SYCE1: variants seen among roughly 807,000 people sequenced by gnomAD.
SYCE1 encodes synaptonemal complex central element protein 1.
A neutral mutation model predicts 55.1 loss-of-function variants in SYCE1; 37 were observed. The ratio of observed to expected loss-of-function variants is 0.67; its 90% CI spans 0.52 to 0.88. SYCE1 has a LOEUF of 0.88. Ranked by LOEUF, SYCE1 falls within the 40% of genes least tolerant of loss-of-function variation. The pLI is 0.00. For missense variants in SYCE1, 399 were observed against 416.4 expected, an observed-to-expected ratio of 0.96 and a Z score of 0.36; for synonymous variants, 163 against 159.4, an observed-to-expected ratio of 1.02 and a Z score of -0.17.
chr10:133,558,490 A>G, intron 4 of SYCE1: 1 of 556,824 alleles, frequency 1.8e-6, no homozygotes, highest in Non-Finnish European at 3.2e-6. Flanking sequence ...GAAGTGGGAT[A>G]AGGGCTATAA....
intron 2 of SYCE1, chr10:133,559,648 T>C: frequency 4.4e-6 from 2 of 452,452 alleles, no homozygotes; most frequent in Non-Finnish European, 8.1e-6. Flanking sequence ...GGAAGGGACC[T>C]GAGGGCCCCA....
At chr10:133,556,422 C>G (rs778183908) in intron 8 of SYCE1, 4 of 522,046 alleles carry the variant, frequency 7.7e-6, no homozygotes, top group Non-Finnish European at 1.4e-5. Flanking sequence ...CTTCCTGACA[C>G]TCACTGTCTA....
rs1468639848 is a variant in SYCE1 at position 133,565,441 on chromosome 10, T to C, written c.73+16A>G. The C allele has an allele frequency of 6.5e-7, 1 of 1,545,120 alleles. No homozygotes were observed. The highest frequency in any genetic ancestry group is 8.7e-7 in the Non-Finnish European group (1 of 1,144,490). On this transcript the variant is annotated intron_variant, in intron 1 of 12. Transcript: ENST00000343131. ...GGTCAGACCCTCACGCACAGTTCCC[T>C]GCCTCCCACCACTACCTCCGGCCTT...
chr10:133,558,377 G>A (rs1023222968), intron 4 of SYCE1, 163 bp from the exon 5 acceptor site: 3 of 744,606 alleles, frequency 4.0e-6, no homozygotes, highest in Non-Finnish European at 6.9e-6. Flanking sequence ...CACATTCCTT[G>A]TAAGCACCAA....
In SYCE1 at chr10:133,555,737, C is replaced by CCGGCCA. The variant is rs1470396664; in HGVS notation, c.720-36_720-31dup. 7 of 1,608,446 alleles carry CCGGCCA rather than the reference C, an allele frequency of 4.4e-6. No homozygotes were observed. The Admixed American group carries it at 1.0e-4, about 23-fold the overall frequency. On this transcript the variant is annotated intron_variant, in intron 10 of 12. Transcript: ENST00000343131. ...GGGGCCCAGTAGGGGGTGGTCAGCA[C>CCGGCCA]CGGCCACTCCCTCCTCCCACCCTCT...
intron 1 of SYCE1, chr10:133,564,526 C>A (rs1851882343): frequency 1.5e-6 from 1 of 688,490 alleles, no homozygotes. Context: ...CTTTGTCCTT[C>A]GCTGGGGCTT....
rs1234513033 is a variant in SYCE1 at position 133,555,095 on chromosome 10, C to G, written c.953G>C (p.Gly318Ala). The change falls in exon 13 of 13, where the codon GGA becomes GCA. Residue 318 changes from glycine (G) to alanine (A), a missense_variant. Coordinates refer to ENST00000343131, the MANE Select transcript of SYCE1 (RefSeq NM_001143764.3). Reference protein sequence around the residue: ...SPKPLKGERPGAAHQAGPDVL... With the variant: ...SPKPLKGERPAAAHQAGPDVL... Reference sequence around the variant, plus strand: ...ATCAGGCCCTGCTTGGTGTGCAGCTCCAGGTCTTTCTCCTTTTAGGGGCTT... The same window carrying G: ...ATCAGGCCCTGCTTGGTGTGCAGCTGCAGGTCTTTCTCCTTTTAGGGGCTT... The G allele has an allele frequency of 1.3e-6, 2 of 1,550,956 alleles. No individual in the cohort carries two copies. Among genetic ancestry groups the G allele is most frequent in the African/African-American group, 2.7e-5 (2 of 73,038 alleles).
intron 2 of SYCE1, 35 bp downstream of exon 2, chr10:133,560,056 C>T: frequency 1.9e-6 from 3 of 1,604,908 alleles, no homozygotes; most frequent in African/African-American, 1.3e-5. Flanking sequence ...GGCCCCAAAC[C>T]TCAGGCTGTG....
At chr10:133,566,186 TGGGAGGA>T (rs1244290718), upstream of SYCE1, among the ~76,000 whole-genome samples, 1 of 152,102 alleles carries the variant, frequency 6.6e-6, no homozygotes, top group Non-Finnish European at 1.5e-5. Flanking sequence ...CGGAGGGCCC[TGGGAGGA>T]GGGAGGAGGA....
chr10:133,565,170 G>T (rs568376441), intron 1 of SYCE1, among the ~76,000 whole-genome samples: 2 of 152,290 alleles, frequency 1.3e-5, no homozygotes, highest in African/African-American at 2.4e-5. Flanking sequence ...TGTTTTAAGA[G>T]GTGTGTATGT....
Position 133,559,299 on chromosome 10 carries a change from A to T in SYCE1, c.196+2T>A, listed in dbSNP as rs1315172316. ...GCTGGCAGCCAAGGCCCCTGAACTC[A>T]CCTTGCTGGACCTCATTAATCCGGT... On this transcript the variant is annotated splice_donor_variant, in intron 3 of 12. Transcript: ENST00000343131. LOFTEE classifies it high-confidence loss of function. 6.2e-7 allele frequency: 1 copy of T among 1,614,064 alleles called. No homozygotes were observed. The highest frequency in any genetic ancestry group is 1.1e-5 in the South Asian group (1 of 91,074).
upstream of SYCE1, among the ~76,000 whole-genome samples, chr10:133,566,058 C>G (rs1006771384): frequency 6.6e-6 from 1 of 152,242 alleles, no homozygotes; most frequent in South Asian, 2.1e-4. Flanking sequence ...CGCAGAGGAG[C>G]GTAGCCTGCC....
rs375373460 is a variant in SYCE1, at chr10:133,558,865, C to T, written c.271+12G>A. The stretch of plus-strand genomic sequence containing the variant: ...ACTGTGGGGACCTCTGGGTGACCCC[C>T]GGCTCTCTTACGCGAGTCCAGTTCC... On this transcript the variant is annotated intron_variant, in intron 4 of 12. Transcript: ENST00000343131. The T allele has an allele frequency of 1.9e-5, 31 of 1,613,266 alleles. No individual in the cohort carries two copies. The highest frequency in any genetic ancestry group is 1.7e-4 in the Middle Eastern group (1 of 6,044).
intron 1 of SYCE1, among the ~76,000 whole-genome samples, chr10:133,563,745 T>C (rs1851865800): frequency 6.6e-6 from 1 of 150,670 alleles, no homozygotes; most frequent in South Asian, 2.2e-4. Flanking sequence ...TTTGAGTTTA[T>C]GGAGTCCCCT....
chr10:133,554,778 GCCTGCATC>G, downstream of SYCE1: 2 of 1,465,702 alleles, frequency 1.4e-6, no homozygotes, highest in South Asian at 1.3e-5. Flanking sequence ...AGCGTCTCGG[GCCTGCATC>G]CCTCTGCCTG....
intron 4 of SYCE1, 101 bp from the exon 5 acceptor site, chr10:133,558,315 C>A: frequency 7.3e-7 from 1 of 1,378,606 alleles, no homozygotes; most frequent in African/African-American, 1.4e-5. Flanking sequence ...CAGCCTTGGC[C>A]CCAACCCAAA....
intron 1 of SYCE1, among the ~76,000 whole-genome samples, chr10:133,562,261 A>ATGTGTGTG (rs59050384): frequency 2.1e-5 from 3 of 143,006 alleles, no homozygotes; most frequent in African/African-American, 7.8e-5. Context: ...CTAACATCCA[A>ATGTGTGTG]TGTGTGTGTG....
downstream of SYCE1, among the ~76,000 whole-genome samples, chr10:133,554,499 A>T (rs947436048): frequency 2.6e-5 from 4 of 152,154 alleles, no homozygotes; most frequent in African/African-American, 9.7e-5. Context: ...CTGCAAGCTG[A>T]GGATTTCTAT....
At chr10:133,560,958 C>T (rs1266417400) in intron 1 of SYCE1, 1 of 152,122 alleles carries the variant, frequency 6.6e-6, no homozygotes, top group African/African-American at 2.4e-5. Context: ...AACCATTTGT[C>T]TTTTATCTAC....
Sources: allele counts gnomAD v4.1 joint callset (sites outside exome capture counted in the v4.1 genomes callset), GRCh38; gene constraint gnomAD v4.1.1; transcripts MANE v1.5; gene names NCBI Gene and HGNC (gene_info 2026-07-23, HGNC 2026-07-21).